ZNF827: variants seen among roughly 807,000 people sequenced by gnomAD.
ZNF827 encodes zinc finger protein 827.
ZNF827 carries 13 observed loss-of-function variants against 102.4 expected under a neutral mutation model. The observed-to-expected ratio is 0.13, with a 90% confidence interval of 0.08 to 0.20. The LOEUF (loss-of-function observed/expected upper bound fraction) is 0.20, where lower values mean the gene tolerates loss of function less well. ZNF827 is among the 10% of genes least tolerant of loss of function. The probability of loss-of-function intolerance (pLI) is 1.00; values close to 1 mark genes in which losing one functional copy is unlikely to be tolerated. For missense variants in ZNF827, 1,103 were observed against 1,344.4 expected, an observed-to-expected ratio of 0.82 and a Z score of 2.81; for synonymous variants, 523 against 536.2, an observed-to-expected ratio of 0.98 and a Z score of 0.34.
Position 145,763,578 on chromosome 4 carries a change from G to A in ZNF827, c.3231-456C>T, listed in dbSNP as rs1171422993. Among the ~76,000 whole-genome samples the A allele has an allele frequency of 6.6e-6, 1 of 152,228 alleles. No individual in the cohort carries two copies. The highest frequency in any genetic ancestry group is 1.5e-5 in the Non-Finnish European group (1 of 68,042). ...GGCTTCAGAGGCTGGGGACTTTGGA[G>A]GTCCCTGAGGAAAGGCGAACTGGCA... On this transcript the variant is annotated intron_variant, in intron 13 of 14. Transcript: ENST00000508784. This position sits in a 1 kb window ranked among gnomAD's most constrained non-coding sequence, Gnocchi z 4.6.
chr4:145,810,154 CCCA>C (rs145136886), intron 8 of ZNF827, among the ~76,000 whole-genome samples: 46 of 152,178 alleles, frequency 3.0e-4, no homozygotes, highest in Non-Finnish European at 5.9e-4. Flanking sequence ...TTCCTGCATG[CCCA>C]CCGTTTTACA....
In ZNF827 at chr4:145,765,952, A is replaced by G. The variant is rs1735220849; in HGVS notation, c.2861-214T>C. On this transcript the variant is annotated intron_variant, in intron 11 of 14. Transcript: ENST00000508784. The surrounding 1 kb of genome is among the most constrained non-coding windows in gnomAD (Gnocchi z 4.7). ...CCAAGAGCAGGCATTCATTAATTTG[A>G]CAAGTGTTTATTAAGGTCTTACATG... Among the ~76,000 whole-genome samples the G allele has an allele frequency of 6.6e-6, 1 of 152,152 alleles. No individual in the cohort carries two copies. The highest frequency in any genetic ancestry group is 6.5e-5 in the Admixed American group (1 of 15,278).
chr4:145,801,641 G>A (rs1304309695), intron 8 of ZNF827, among the ~76,000 whole-genome samples: 1 of 152,172 alleles, frequency 6.6e-6, no homozygotes, highest in African/African-American at 2.4e-5. Flanking sequence ...CTCATCCCCA[G>A]CACCTTTGGC....
chr4:145,914,129 T>C (rs1752500217), intron 1 of ZNF827, among the ~76,000 whole-genome samples: 1 of 151,740 alleles, frequency 6.6e-6, no homozygotes, highest in Non-Finnish European at 1.5e-5. Context: ...ATAAACATAT[T>C]ATAGTCATCA....
intron 1 of ZNF827, among the ~76,000 whole-genome samples, chr4:145,937,659 C>G (rs1438330351): frequency 6.9e-6 from 1 of 145,482 alleles, no homozygotes; most frequent in Non-Finnish European, 1.5e-5. Flanking sequence ...TGCCCCTACA[C>G]CCTCCCCAGC....
chr4:145,926,233 T>G (rs1753412199), intron 1 of ZNF827, among the ~76,000 whole-genome samples: 1 of 152,224 alleles, frequency 6.6e-6, no homozygotes, highest in Non-Finnish European at 1.5e-5. Context: ...GAATTTAGGA[T>G]GAATAACAAT....
At chr4:145,919,871 G>T (rs1014318751) in intron 1 of ZNF827, among the ~76,000 whole-genome samples, 1 of 152,132 alleles carries the variant, frequency 6.6e-6, no homozygotes, top group African/African-American at 2.4e-5. Flanking sequence ...AATAAGTTTT[G>T]TATAGCAGAA....
At chr4:145,836,736 C>T (rs570841472) in intron 7 of ZNF827, among the ~76,000 whole-genome samples, 1,531 of 143,046 alleles carry the variant, frequency 0.011, 17 homozygotes, top group African/African-American at 0.037. Flanking sequence ...TTATTGATGG[C>T]GGTTCCACCA....
chr4:145,913,566 T>C (rs538399265), intron 1 of ZNF827, among the ~76,000 whole-genome samples: 1 of 152,306 alleles, frequency 6.6e-6, no homozygotes, highest in South Asian at 2.1e-4. Context: ...AATTTTTCTT[T>C]TGTTGAAAAG....
chr4:145,862,245 A>G (rs977931537), intron 5 of ZNF827, among the ~76,000 whole-genome samples: 3 of 152,256 alleles, frequency 2.0e-5, no homozygotes, highest in African/African-American at 4.8e-5. Context: ...ACCAAGTTCC[A>G]GGGCTGGCTG....
chr4:145,866,432 C>T (rs1579420366), intron 5 of ZNF827, among the ~76,000 whole-genome samples: 1 of 152,188 alleles, frequency 6.6e-6, no homozygotes, highest in Admixed American at 6.5e-5. Context: ...AATCTAGGGC[C>T]TGGTTGAATT....
intron 7 of ZNF827, among the ~76,000 whole-genome samples, chr4:145,829,903 C>CCAA (rs1744040080): frequency 6.6e-6 from 1 of 151,482 alleles, no homozygotes; most frequent in South Asian, 2.1e-4. Context: ...AAACTCTGAC[C>CCAA]TTTGAATCAC....
chr4:145,870,556 A>G, intron 4 of ZNF827, 78 bp from the exon 5 acceptor site: 1 of 1,264,440 alleles, frequency 7.9e-7, no homozygotes, highest in Non-Finnish European at 1.1e-6. Flanking sequence ...TTCACGAAGT[A>G]TGGAATGCAC....
intron 1 of ZNF827, among the ~76,000 whole-genome samples, chr4:145,914,324 A>G (rs1421882925): frequency 1.3e-5 from 2 of 152,176 alleles, no homozygotes; most frequent in Non-Finnish European, 2.9e-5. Flanking sequence ...AGCTTCCCCT[A>G]ACGCGCCCCC....
At chr4:145,793,867 A>G (rs1222907776) in intron 8 of ZNF827, among the ~76,000 whole-genome samples, 6 of 152,176 alleles carry the variant, frequency 3.9e-5, no homozygotes, top group Non-Finnish European at 5.9e-5. Flanking sequence ...AAGGCATAGT[A>G]TTCCTTCTAG....
chr4:145,903,294 G>A (rs1256908995), intron 1 of ZNF827, 79 bp from the exon 2 acceptor site: 1 of 1,500,360 alleles, frequency 6.7e-7, no homozygotes, highest in Non-Finnish European at 8.9e-7. Context: ...TGGAGGTGAT[G>A]ACATGCTTTC....
At chr4:145,914,062 GACACACAC>G (rs34866639) in intron 1 of ZNF827, among the ~76,000 whole-genome samples, 3 of 148,110 alleles carry the variant, frequency 2.0e-5, no homozygotes, top group Admixed American at 2.0e-4. Context: ...TTTCTTTGTA[GACACACAC>G]ACACACACAC....
intron 1 of ZNF827, among the ~76,000 whole-genome samples, chr4:145,931,333 C>G (rs150162343): frequency 6.6e-6 from 1 of 152,210 alleles, no homozygotes; most frequent in South Asian, 2.1e-4. Flanking sequence ...AAGTGTATCT[C>G]AGAAACAGGC....
chr4:145,895,708 G>A (rs1363531299), intron 2 of ZNF827, among the ~76,000 whole-genome samples: 1 of 151,992 alleles, frequency 6.6e-6, no homozygotes, highest in African/African-American at 2.4e-5. Flanking sequence ...TTTTAGAGAC[G>A]TTCTCCATGT....
Sources: gnomAD v4.1 joint callset for allele counts (sites outside exome capture counted in the v4.1 genomes callset) on GRCh38, gnomAD v4.1.1 for gene constraint, Gnocchi (gnomAD v3.1) non-coding constraint, MANE v1.5 for transcripts, NCBI Gene and HGNC (gene_info 2026-07-23, HGNC 2026-07-21) for gene names.